FRY: variants seen among roughly 807,000 people sequenced by gnomAD.
The protein encoded by FRY is FRY microtubule binding protein, also known as protein furry homolog.
Under a neutral mutation model 348.4 loss-of-function variants are expected in FRY, and 128 were observed. That is an observed-to-expected ratio of 0.37 (90% CI 0.32 to 0.43). FRY has a LOEUF of 0.43. Ranked by LOEUF, FRY falls within the 20% of genes least tolerant of loss-of-function variation. The probability of loss-of-function intolerance (pLI) is 1.00; values close to 1 mark genes in which losing one functional copy is unlikely to be tolerated. For synonymous variants in FRY, 1,370 were observed against 1,374.7 expected, an observed-to-expected ratio of 1.00 and a Z score of 0.08; for missense variants, 2,736 against 3,695.2, an observed-to-expected ratio of 0.74 and a Z score of 6.73.
In FRY at chr13:32,237,203, AG is replaced by A. The variant is rs1886269709; in HGVS notation, c.5811-173del. 6.6e-6 allele frequency among the ~76,000 whole-genome samples: 1 copy of A among 152,088 alleles called. No homozygotes were observed. The highest frequency in any genetic ancestry group is 1.5e-5 in the Non-Finnish European group (1 of 68,018). ...TATTGGGCTTTTTGTTTTGTTGATG[AG>A]GGTTTCTCTTGTTTTGTTTTTTATA... On this transcript the variant is annotated intron_variant, in intron 43 of 60. Transcript: ENST00000542859. This position sits in a 1 kb window ranked among gnomAD's most constrained non-coding sequence, Gnocchi z 6.3.
At chr13:32,261,158 C>G (rs1257922055) in intron 51 of FRY, among the ~76,000 whole-genome samples, 1 of 152,184 alleles carries the variant, frequency 6.6e-6, no homozygotes, top group Non-Finnish European at 1.5e-5. Context: ...CCACTAAATA[C>G]CCAAAGGATT....
At chr13:32,095,080 C>T (rs1466986382) in intron 2 of FRY, among the ~76,000 whole-genome samples, 2 of 152,110 alleles carry the variant, frequency 1.3e-5, no homozygotes, top group Non-Finnish European at 2.9e-5. Context: ...GTAGTTTTGA[C>T]TTGCATTTCT....
chr13:32,218,451 C>A (rs570984878), intron 35 of FRY, among the ~76,000 whole-genome samples: 3 of 152,240 alleles, frequency 2.0e-5, no homozygotes, highest in African/African-American at 7.2e-5. Context: ...GAGGCCGAAG[C>A]GGGCGGATCA....
chr13:32,045,904 T>A (rs1252350104), intron 1 of FRY, among the ~76,000 whole-genome samples: 1 of 152,204 alleles, frequency 6.6e-6, no homozygotes, highest in East Asian at 1.9e-4. Context: ...TTGCTGAAAG[T>A]TAAGACCAAA....
Position 32,261,647 on chromosome 13 carries a change from T to C in FRY, c.7448T>C (p.Val2483Ala). The change falls in exon 52 of 61, where the codon GTG becomes GCG. Residue 2483 changes from valine to alanine, a missense_variant. Around this residue, in one of 9 missense-constraint regions of FRY, gnomAD observed 789 missense variants for 996.2 expected, o/e 0.79. Coordinates refer to ENST00000542859, the MANE Select transcript of FRY (RefSeq NM_023037.3). ...AGTATGGACAATTTCAACTGGGGAGTGCGCAGACGTTCTCTGGACAGCCTG... is the reference window on the plus strand; with the variant it reads ...AGTATGGACAATTTCAACTGGGGAGCGCGCAGACGTTCTCTGGACAGCCTG... ...GESMDNFNWG[V>A]RRRSLDSLDK... 1.9e-6 allele frequency: 3 copies of C among 1,613,832 alleles called. No individual in the cohort carries two copies. The highest frequency in any genetic ancestry group is 2.2e-5 in the East Asian group (1 of 44,874).
Position 32,175,564 on chromosome 13 carries a change from A to G in FRY, c.2353A>G (p.Ile785Val), listed in dbSNP as rs182428141. The G allele has an allele frequency of 4.5e-5, 72 of 1,611,308 alleles. No individual in the cohort carries two copies. The East Asian group carries it at 9.1e-4, about 20-fold the overall frequency. The change falls in exon 20 of 61, where the codon ATT becomes GTT. Residue 785 changes from isoleucine to valine, a missense_variant. By Grantham distance (29) the Ile-to-Val change is conservative. This residue lies in a region of FRY where 449 missense variants were observed against 576.9 expected (regional missense o/e 0.78). Transcript: ENST00000542859. Reference sequence around the variant, plus strand: ...TGTACAGGATGACGACAGGCCGATGATTGATGTCATGGATCAGCTAAGTTC... The same window carrying G: ...TGTACAGGATGACGACAGGCCGATGGTTGATGTCATGGATCAGCTAAGTTC... ...GQPEDDDRPM[I>V]DVMDQLSSSI...
intron 1 of FRY, among the ~76,000 whole-genome samples, chr13:32,045,118 T>TG (rs1872955039): frequency 6.6e-6 from 1 of 152,216 alleles, no homozygotes; most frequent in African/African-American, 2.4e-5. Context: ...CTTATCAACT[T>TG]GCTGAACCTG....
chr13:32,102,115 C>G (rs542634085), intron 3 of FRY, 99 bp downstream of exon 3: 1 of 776,944 alleles, frequency 1.3e-6, no homozygotes, highest in East Asian at 2.5e-5. Flanking sequence ...TGAACATCCT[C>G]AAAAAGTATA....
intron 1 of FRY, among the ~76,000 whole-genome samples, chr13:32,036,723 G>A (rs967974818): frequency 6.7e-6 from 1 of 150,254 alleles, no homozygotes; most frequent in African/African-American, 2.5e-5. Context: ...AACCCTGTGA[G>A]TTTAAGTGTC....
At chr13:32,274,575 G>A (rs952782044) in intron 55 of FRY, among the ~76,000 whole-genome samples, 6 of 151,552 alleles carry the variant, frequency 4.0e-5, no homozygotes, top group African/African-American at 4.8e-5. Flanking sequence ...GTGGTGGCAG[G>A]CACCTGTAGT....
chr13:32,152,906 CAAT>C (rs1880886475), intron 14 of FRY, among the ~76,000 whole-genome samples: 1 of 152,022 alleles, frequency 6.6e-6, no homozygotes. Flanking sequence ...TCCCACATTT[CAAT>C]AATAAGAAAA....
chr13:32,213,899 T>G (rs999234818), intron 35 of FRY, among the ~76,000 whole-genome samples: 8 of 152,218 alleles, frequency 5.3e-5, no homozygotes, highest in African/African-American at 1.9e-4. Context: ...AAGAGAGATT[T>G]TCTTGTTTAG....
At chr13:32,227,647 A>G (rs538134945) in intron 39 of FRY, among the ~76,000 whole-genome samples, 4 of 152,336 alleles carry the variant, frequency 2.6e-5, no homozygotes, top group South Asian at 2.1e-4. Context: ...ATATCAATAT[A>G]CACATAATAC....
intron 20 of FRY, among the ~76,000 whole-genome samples, chr13:32,176,921 G>A (rs559984426): frequency 5.3e-5 from 8 of 152,302 alleles, no homozygotes; most frequent in African/African-American, 1.9e-4. Flanking sequence ...CAGAGATTCT[G>A]GGATGTTCAG....
intron 46 of FRY, among the ~76,000 whole-genome samples, chr13:32,243,423 G>A (rs1045079530): frequency 6.6e-6 from 1 of 152,096 alleles, no homozygotes; most frequent in African/African-American, 2.4e-5. Context: ...TCTATCTCTG[G>A]TTTGAGAAAC....
chr13:32,212,479 A>G, intron 35 of FRY, 97 bp downstream of exon 35: 1 of 759,568 alleles, frequency 1.3e-6, no homozygotes, highest in Non-Finnish European at 2.3e-6. Context: ...TAAATTTTAC[A>G]CGTACATAAA....
At chr13:32,055,052 T>C (rs566311731) in intron 1 of FRY, among the ~76,000 whole-genome samples, 1 of 152,266 alleles carries the variant, frequency 6.6e-6, no homozygotes, top group South Asian at 2.1e-4. Flanking sequence ...TATTTTATTA[T>C]TTACTTCTTT....
chr13:32,185,637 G>A (rs1216337228), intron 26 of FRY, among the ~76,000 whole-genome samples: 1 of 152,006 alleles, frequency 6.6e-6, no homozygotes, highest in Non-Finnish European at 1.5e-5. Flanking sequence ...CAGAGCAAAT[G>A]GGTATGAAAC....
intron 3 of FRY, among the ~76,000 whole-genome samples, chr13:32,105,619 A>G (rs17077084): frequency 0.1 from 15,906 of 152,216 alleles, 926 homozygotes; most frequent in African/African-American, 0.14. Context: ...GTCTATGGGA[A>G]AAGAATATGC....
Sources: allele counts gnomAD v4.1 joint callset (sites outside exome capture counted in the v4.1 genomes callset), GRCh38; gene constraint gnomAD v4.1.1; regional missense constraint gnomAD v4.1.1; non-coding constraint Gnocchi (gnomAD v3.1); transcripts MANE v1.5; gene names NCBI Gene and HGNC (gene_info 2026-07-23, HGNC 2026-07-21).